NRG3: variants seen among roughly 807,000 people sequenced by gnomAD.
NRG3 encodes the protein pro-neuregulin-3, membrane-bound isoform.
In NRG3, 31 loss-of-function variants were observed where a neutral mutation model predicts 66.9. That is an observed-to-expected ratio of 0.46 (90% CI 0.35 to 0.63). The LOEUF is 0.63. NRG3 is among the 20% of genes least tolerant of loss of function. The probability of loss-of-function intolerance (pLI) is 0.00; values close to 1 mark genes in which losing one functional copy is unlikely to be tolerated. For missense variants in NRG3, 910 were observed against 878.9 expected, an observed-to-expected ratio of 1.04 and a Z score of -0.45; for synonymous variants, 393 against 359.4, an observed-to-expected ratio of 1.09 and a Z score of -1.06.
intron 1 of NRG3, among the ~76,000 whole-genome samples, chr10:81,900,197 C>T (rs1301940816): frequency 6.6e-6 from 1 of 152,020 alleles, no homozygotes. Flanking sequence ...GATCCACCCG[C>T]CTTGGCCTCC....
chr10:82,452,335 A>G (rs751676940), intron 2 of NRG3, among the ~76,000 whole-genome samples: 1 of 152,210 alleles, frequency 6.6e-6, no homozygotes, highest in Non-Finnish European at 1.5e-5. Flanking sequence ...TGTGCAGTGA[A>G]TACCACATCC....
intron 1 of NRG3, among the ~76,000 whole-genome samples, chr10:82,274,018 G>C (rs56082959): frequency 0.017 from 2,607 of 150,732 alleles, 78 homozygotes; most frequent in African/African-American, 0.059. Context: ...TATTGCAAAC[G>C]TTCTTGCAAC....
intron 2 of NRG3, among the ~76,000 whole-genome samples, chr10:82,580,330 A>G (rs1196700975): frequency 6.6e-6 from 1 of 151,914 alleles, no homozygotes; most frequent in Non-Finnish European, 1.5e-5. Flanking sequence ...GAGTTCCTAT[A>G]TAATCACTCC....
intron 2 of NRG3, among the ~76,000 whole-genome samples, chr10:82,398,722 A>C (rs772622162): frequency 1.3e-5 from 2 of 152,176 alleles, no homozygotes; most frequent in Non-Finnish European, 2.9e-5. Context: ...TTTATAGCAA[A>C]GCAAGGGTGA....
intron 2 of NRG3, among the ~76,000 whole-genome samples, chr10:82,537,680 A>G (rs1456111242): frequency 6.6e-6 from 1 of 152,166 alleles, no homozygotes; most frequent in Non-Finnish European, 1.5e-5. Context: ...TTTTAACATA[A>G]TTTTTGAGGG....
At chr10:82,734,796 T>C (rs1020384015) in intron 2 of NRG3, among the ~76,000 whole-genome samples, 3 of 151,910 alleles carry the variant, frequency 2.0e-5, no homozygotes, top group African/African-American at 7.3e-5. Context: ...GACAGGAGGA[T>C]TGCTTGAGGC....
intron 1 of NRG3, among the ~76,000 whole-genome samples, chr10:82,239,104 G>A (rs11193134): frequency 0.12 from 17,631 of 151,118 alleles, 1,121 homozygotes; most frequent in East Asian, 0.22. Context: ...TATATAGTAT[G>A]AGCCAGTATT....
rs563829425 is a variant in NRG3 at position 82,048,397 on chromosome 10, G to T, written c.823+172234G>T. ...AAAAGAACAGAAATTATAACAAACT[G>T]TCTCTCAGACCACAGTGCAATCAAA... On this transcript the variant is annotated intron_variant, in intron 1 of 8. Transcript: ENST00000372141. Among the ~76,000 whole-genome samples the T allele has an allele frequency of 2.1e-3, 326 of 152,106 alleles. 1 individual carries two copies. Among genetic ancestry groups the T allele is most frequent in the African/African-American group, 7.4e-3 (307 of 41,500 alleles).
intron 1 of NRG3, among the ~76,000 whole-genome samples, chr10:82,136,860 A>T (rs930598478): frequency 2.6e-5 from 4 of 152,156 alleles, no homozygotes; most frequent in African/African-American, 9.6e-5. Flanking sequence ...TCAAGTTCTA[A>T]TGCGAAGTCT....
chr10:82,031,483 A>T (rs2062564719), intron 1 of NRG3, among the ~76,000 whole-genome samples: 1 of 152,178 alleles, frequency 6.6e-6, no homozygotes, highest in Non-Finnish European at 1.5e-5. Flanking sequence ...GCCTGCACTT[A>T]TCGAATGAAA....
chr10:82,438,000 A>T (rs1253414083), intron 2 of NRG3, among the ~76,000 whole-genome samples: 1 of 152,212 alleles, frequency 6.6e-6, no homozygotes, highest in Non-Finnish European at 1.5e-5. Context: ...GGTGTCCGAC[A>T]AACCCTGTTG....
At chr10:82,722,480 T>A (rs2134528042) in intron 2 of NRG3, among the ~76,000 whole-genome samples, 1 of 152,282 alleles carries the variant, frequency 6.6e-6, no homozygotes, top group African/African-American at 2.4e-5. Context: ...CATCTTATAT[T>A]GCATCATCAT....
At chr10:82,572,461 T>A (rs1264601704) in intron 2 of NRG3, among the ~76,000 whole-genome samples, 1 of 151,754 alleles carries the variant, frequency 6.6e-6, no homozygotes, top group Non-Finnish European at 1.5e-5. Context: ...CATTTCATTG[T>A]GATTTTTGCA....
chr10:82,370,883 A>T (rs1257416080), intron 2 of NRG3, among the ~76,000 whole-genome samples: 4 of 152,054 alleles, frequency 2.6e-5, no homozygotes, highest in Non-Finnish European at 5.9e-5. Flanking sequence ...GCTCACAGCG[A>T]TTCTGGTGGC....
chr10:82,773,791 T>C (rs775389444), intron 3 of NRG3, among the ~76,000 whole-genome samples: 1 of 152,220 alleles, frequency 6.6e-6, no homozygotes, highest in South Asian at 2.1e-4. Context: ...CAGATCTTGA[T>C]AGAAAAGTTT....
chr10:82,669,178 G>T (rs1190130939), intron 2 of NRG3, among the ~76,000 whole-genome samples: 3 of 151,714 alleles, frequency 2.0e-5, no homozygotes, highest in Non-Finnish European at 2.9e-5. Flanking sequence ...ATATGAAGGA[G>T]CAGTTAGGGA....
chr10:82,604,778 C>A (rs921698581), intron 2 of NRG3, among the ~76,000 whole-genome samples: 10 of 152,132 alleles, frequency 6.6e-5, no homozygotes, highest in Non-Finnish European at 1.5e-4. Flanking sequence ...GGTGCTGAAA[C>A]AACTGAACTT....
chr10:81,980,082 A>ATGTGAT (rs1416163571), intron 1 of NRG3, among the ~76,000 whole-genome samples: 5 of 152,242 alleles, frequency 3.3e-5, no homozygotes, highest in African/African-American at 1.2e-4. Context: ...ATGAGTAAGG[A>ATGTGAT]TGTGATCTCA....
intron 2 of NRG3, among the ~76,000 whole-genome samples, chr10:82,628,415 A>C (rs2049574331): frequency 1.3e-5 from 2 of 152,154 alleles, no homozygotes; most frequent in African/African-American, 4.8e-5. Flanking sequence ...TATAAACAGG[A>C]TGGAAAAATA....
Sources: allele counts gnomAD v4.1 joint callset (sites outside exome capture counted in the v4.1 genomes callset), GRCh38; gene constraint gnomAD v4.1.1; transcripts MANE v1.5; gene names NCBI Gene and HGNC (gene_info 2026-07-23, HGNC 2026-07-21).